The following REC8 variants were observed in gnomAD, a reference collection of about 807,000 sequenced individuals.
The protein encoded by REC8 is meiotic recombination protein REC8 homolog.
Under a neutral mutation model 78.3 loss-of-function variants are expected in REC8, and 42 were observed. That is an observed-to-expected ratio of 0.54 (90% CI 0.42 to 0.69). REC8 has a LOEUF of 0.69. Ranked by LOEUF, REC8 falls within the 30% of genes least tolerant of loss-of-function variation. The pLI, the probability that REC8 is intolerant of heterozygous loss-of-function variation, is 0.00. For synonymous variants in REC8, 268 were observed against 274.1 expected (o/e 0.98, Z 0.22); for missense variants, 581 against 715.8 (o/e 0.81, Z 2.15).
intron 6 of REC8, among the ~76,000 whole-genome samples, chr14:24,175,906 T>A (rs1003913146): frequency 5.3e-5 from 8 of 151,916 alleles, no homozygotes; most frequent in Admixed American, 4.6e-4. Context: ...TTTCACCATG[T>A]TGGCCAGGCT....
At position 24,178,486 on chromosome 14, in the gene REC8, T is replaced by TCATGAGCTTTTG. The variant is rs1023936728; in HGVS notation, c.997-113_997-112insTTTTGCATGAGC. 3.7e-6 allele frequency: 4 copies of TCATGAGCTTTTG among 1,068,970 alleles called. No individual in the cohort carries two copies. In the African/African-American group the frequency reaches 6.5e-5, roughly 17 times the overall value. 66.2% of individuals were successfully genotyped at this position (1,068,970 alleles called of 1,614,324 possible). ...TTAGCAATGAGCAGGGCAGGCAGGG[T>TCATGAGCTTTTG]CATGAGCGCAAAAGCTGGGGAAGTC... On this transcript the variant is annotated intron_variant, in intron 12 of 18. Transcript: ENST00000611366.
chr14:24,177,422 G>T, intron 9 of REC8, 39 bp downstream of exon 9: 7 of 1,614,152 alleles, frequency 4.3e-6, no homozygotes, highest in Non-Finnish European at 5.9e-6. Context: ...GGGTGTCAGT[G>T]CTGGGAAGGG....
At position 24,180,154 on chromosome 14, in the gene REC8, T is replaced by G. The variant is rs768345916; in HGVS notation, c.*59T>G. ...CGGCCACTTCTAGTAAACCACGTCGTGCCTCACTGGGTCCTGCTTACCTCA... is the reference window on the plus strand; with the variant it reads ...CGGCCACTTCTAGTAAACCACGTCGGGCCTCACTGGGTCCTGCTTACCTCA... On this transcript the variant is annotated 3_prime_UTR_variant, in exon 19 of 19. Coordinates refer to ENST00000611366, the MANE Select transcript of REC8 (RefSeq NM_001048205.2). 2.5e-6 allele frequency: 4 copies of G among 1,614,064 alleles called. No individual in the cohort carries two copies. The highest frequency in any genetic ancestry group is 2.7e-5 in the African/African-American group (2 of 75,048).
At chr14:24,177,105 T>C in intron 7 of REC8, 36 bp from the exon 8 acceptor site, 4 of 1,597,176 alleles carry the variant, frequency 2.5e-6, no homozygotes, top group Non-Finnish European at 3.4e-6. Flanking sequence ...AGAAATATTA[T>C]TGAATCCCCT....
rs771192524 is a variant in REC8, at chr14:24,180,171, C to T, written c.*76C>T. On this transcript the variant is annotated 3_prime_UTR_variant, in exon 19 of 19. Transcript: ENST00000611366. ...CCACGTCGTGCCTCACTGGGTCCTG[C>T]TTACCTCATTTCTGAATGTGCATTT... 10 of 1,613,228 alleles carry T rather than the reference C, an allele frequency of 6.2e-6. No individual in the cohort carries two copies. The highest frequency in any genetic ancestry group is 1.6e-4 in the Middle Eastern group (1 of 6,084).
In REC8 at chr14:24,172,935, A is replaced by G; in HGVS notation, c.162A>G (p.Gln54=). The G allele has an allele frequency of 1.2e-6, 2 of 1,610,650 alleles. No homozygotes were observed. The highest frequency in any genetic ancestry group is 1.7e-6 in the Non-Finnish European group (2 of 1,179,932). ...TCAATTACGTGCTGGTACGAGTGCA[A>G]CCCCCGCAGCCCGGCCTGCCGCGGC... ...EILNYVLVRV[Q]PPQPGLPRPR... Residue 54 remains glutamine (Q), a synonymous_variant, in exon 3 of 19, where the codon CAA becomes CAG. Transcript: ENST00000611366.
At chr14:24,175,714 T>C in intron 6 of REC8, 90 bp downstream of exon 6, 4 of 953,382 alleles carry the variant, frequency 4.2e-6, no homozygotes, top group Non-Finnish European at 6.5e-6. Flanking sequence ...GAGCCAGGCC[T>C]TGTGAGGGGC....
intron 12 of REC8, 149 bp from the exon 13 acceptor site, chr14:24,178,457 T>C (rs2039001058): frequency 3.3e-6 from 3 of 896,136 alleles, no homozygotes; most frequent in Admixed American, 5.5e-5. Flanking sequence ...AAAAAGTCCT[T>C]CTTTTAGCAA....
chr14:24,179,623 G>A lies in REC8; in HGVS notation c.1348G>A (p.Ala450Thr), dbSNP rs2039073760. The A allele has an allele frequency of 5.0e-6, 8 of 1,614,106 alleles. No homozygotes were observed. Among genetic ancestry groups the A allele is most frequent in the Non-Finnish European group, 3.4e-6 (4 of 1,180,048 alleles). Residue 450 changes from alanine (A) to threonine (T), a missense_variant, in exon 17 of 19, where the codon GCT (alanine) becomes ACT (threonine). Transcript: ENST00000611366. ...CTGGCCTGAGGTGGAGGCGCCAGAA[G>A]CTCCTGCATTGCCCGTGGTGCCTGA... Reference protein sequence around the residue: ...WAWPEVEAPEAPALPVVPELP... With the variant: ...WAWPEVEAPETPALPVVPELP...
In REC8 at chr14:24,177,204, G is replaced by A; in HGVS notation, c.688G>A (p.Glu230Lys). Reference sequence around the variant, plus strand: ...GGACCTGCTGATCGCAGAGGAAGAAGAAGCTATCTTGTTAGAAAGTAGGTG... The same window carrying A: ...GGACCTGCTGATCGCAGAGGAAGAAAAAGCTATCTTGTTAGAAAGTAGGTG... ...ELDLLIAEEE[E>K]AILLEIPRLP... The change falls in exon 8 of 19, where the codon GAA (glutamate) becomes AAA (lysine). Residue 230 changes from glutamate to lysine, a missense_variant. By Grantham distance (56) the Glu-to-Lys change is moderately conservative. Transcript: ENST00000611366. The A allele has an allele frequency of 1.9e-6, 3 of 1,614,194 alleles. No individual in the cohort carries two copies. The highest frequency in any genetic ancestry group is 2.2e-5 in the East Asian group (1 of 44,888).
chr14:24,178,506 G>C (rs2039003758), intron 12 of REC8, 100 bp from the exon 13 acceptor site: 1 of 1,264,866 alleles, frequency 7.9e-7, no homozygotes, highest in South Asian at 1.3e-5. Context: ...AAAAGCTGGG[G>C]AAGTCCAGAA....
At position 24,172,786 on chromosome 14, in the gene REC8, G is replaced by T. The variant is rs369973401; in HGVS notation, c.125+5G>T. 33 of 1,614,082 alleles carry T rather than the reference G, an allele frequency of 2.0e-5. No individual in the cohort carries two copies. Among genetic ancestry groups the T allele is most frequent in the Non-Finnish European group, 2.6e-5 (31 of 1,180,044 alleles). On this transcript the variant is annotated splice_donor_5th_base_variant and intron_variant, in intron 2 of 18. Coordinates refer to ENST00000611366, the MANE Select transcript of REC8 (RefSeq NM_001048205.2). The stretch of plus-strand genomic sequence containing the variant: ...GGTGAATGTGGTGAAAACCTGGTAA[G>T]GCCCAGAAAAGGGAAGGAGGGCCTG...
rs1284860724 is a variant in REC8 at position 24,175,531 on chromosome 14, C to T, written c.463-12C>T. Reference sequence around the variant, plus strand: ...CTGAACCCTATCTTTTGTTTCCAATCCCTCTCCAAAGATTCGACACCTCTT... The same window carrying T: ...CTGAACCCTATCTTTTGTTTCCAATTCCTCTCCAAAGATTCGACACCTCTT... On this transcript the variant is annotated splice_polypyrimidine_tract_variant and intron_variant, in intron 5 of 18. Coordinates refer to ENST00000611366, the MANE Select transcript of REC8 (RefSeq NM_001048205.2). 1 of 1,608,742 alleles carries T rather than the reference C, an allele frequency of 6.2e-7. No homozygotes were observed. The highest frequency in any genetic ancestry group is 1.7e-5 in the Admixed American group (1 of 59,980).
chr14:24,174,958 TCAA>T (rs1460159375), intron 5 of REC8, among the ~76,000 whole-genome samples: 1 of 151,806 alleles, frequency 6.6e-6, no homozygotes, highest in East Asian at 1.9e-4. Flanking sequence ...TTCACCTCTG[TCAA>T]CCACAACACT....
chr14:24,180,852 G>C (rs1465882961), downstream of REC8: 1 of 1,012,224 alleles, frequency 9.9e-7, no homozygotes, highest in South Asian at 1.5e-5. Flanking sequence ...TCTCTTATCA[G>C]GGGGGTGGTT....
chr14:24,178,041 A>T (rs1241350106), intron 11 of REC8, 50 bp from the exon 12 acceptor site: 5 of 1,575,926 alleles, frequency 3.2e-6, no homozygotes, highest in Non-Finnish European at 4.3e-6. Flanking sequence ...GAATGACAGG[A>T]AAAGGAGTAA....
chr14:24,178,119 G>A lies in REC8; in HGVS notation c.893G>A (p.Arg298His), dbSNP rs537121841. The change falls in exon 12 of 19, where the codon CGC becomes CAC. Residue 298 changes from arginine (R) to histidine (H), a missense_variant. Coordinates refer to ENST00000611366, the MANE Select transcript of REC8 (RefSeq NM_001048205.2). ...ERRPPVPPPP[R>H]RRRRRRLLFW... ...AGGCCCCCAGTCCCCCCACCTCCTC[G>A]CCGCCGCCGTCGTCGCCGGTTACTG... is the stretch of plus-strand genomic sequence containing the variant. 4.4e-5 allele frequency: 71 copies of A among 1,613,584 alleles called. 1 individual carries two copies. In the South Asian group the frequency reaches 6.3e-4, roughly 14 times the overall value.
intron 2 of REC8, 40 bp downstream of exon 2, chr14:24,172,821 G>A (rs759362693): frequency 2.5e-5 from 41 of 1,613,950 alleles, no homozygotes; most frequent in Non-Finnish European, 3.0e-5. Flanking sequence ...GGTGCGGGGG[G>A]TGAGTTAGGG....
chr14:24,178,750 C>T, intron 13 of REC8, 27 bp from the exon 14 acceptor site: 1 of 1,610,678 alleles, frequency 6.2e-7, no homozygotes, highest in East Asian at 2.2e-5. Flanking sequence ...GCCTCAAACC[C>T]CGTGCCTACT....
Sources: gnomAD v4.1 joint callset for allele counts (sites outside exome capture counted in the v4.1 genomes callset) on GRCh38, gnomAD v4.1.1 for gene constraint, MANE v1.5 for transcripts, NCBI Gene and HGNC (gene_info 2026-07-23, HGNC 2026-07-21) for gene names.